Variants in RCOR3 observed in about 807,000 individuals in gnomAD.
RCOR3 encodes REST corepressor 3.
Under a neutral mutation model 64.1 loss-of-function variants are expected in RCOR3, and 13 were observed. That is an observed-to-expected ratio of 0.20 (90% CI 0.13 to 0.32). RCOR3 has a LOEUF of 0.32. Among genes scored for constraint, RCOR3 ranks in the 10% least tolerant of loss-of-function variants. The pLI, the probability that RCOR3 is intolerant of heterozygous loss-of-function variation, is 1.00. For missense variants in RCOR3, 489 were observed against 701.2 expected (o/e 0.70, Z 3.42); for synonymous variants, 215 against 239.0 (o/e 0.90, Z 0.93).
Position 211,295,762 on chromosome 1 carries a change from T to C in RCOR3, c.1017+9T>C, listed in dbSNP as rs376481343. On this transcript the variant is annotated intron_variant, in intron 9 of 11. Coordinates refer to ENST00000419091, the MANE Select transcript of RCOR3 (RefSeq NM_001136223.3). ...AATTCAAACCTCCTGAGGTATGTTA[T>C]TGAAGGATACATGTGATTAAGTATA... The C allele has an allele frequency of 6.8e-6, 11 of 1,610,018 alleles. No individual in the cohort carries two copies. The highest frequency in any genetic ancestry group is 9.3e-6 in the Non-Finnish European group (11 of 1,176,642).
chr1:211,286,836 A>G (rs1698614563), intron 7 of RCOR3, among the ~76,000 whole-genome samples: 1 of 152,190 alleles, frequency 6.6e-6, no homozygotes, highest in South Asian at 2.1e-4. Context: ...CGTTTTGTTT[A>G]GATTTACCCA....
chr1:211,293,285 C>T (rs1003638183), intron 8 of RCOR3, among the ~76,000 whole-genome samples: 1 of 152,064 alleles, frequency 6.6e-6, no homozygotes, highest in Non-Finnish European at 1.5e-5. Context: ...CTTCACATTA[C>T]TACCAGAAGT....
chr1:211,296,053 G>A (rs996459459), intron 9 of RCOR3, among the ~76,000 whole-genome samples: 6 of 152,306 alleles, frequency 3.9e-5, no homozygotes, highest in Non-Finnish European at 8.8e-5. Context: ...GCAAGCTAGT[G>A]TATTTCTGGG....
Position 211,313,029 on chromosome 1 carries a change from A to G in RCOR3, c.1317+68A>G. The G allele has an allele frequency of 6.2e-7, 1 of 1,606,900 alleles. No individual in the cohort carries two copies. Among genetic ancestry groups the G allele is most frequent in the Non-Finnish European group, 8.5e-7 (1 of 1,175,502 alleles). Reference sequence around the variant, plus strand: ...TCACCATTTTGTGTGGTATTCTGTAAGGTTAATTTGTCAAGAGGACTAGCT... The same window carrying G: ...TCACCATTTTGTGTGGTATTCTGTAGGGTTAATTTGTCAAGAGGACTAGCT... On this transcript the variant is annotated intron_variant, in intron 11 of 11. Coordinates refer to ENST00000419091, the MANE Select transcript of RCOR3 (RefSeq NM_001136223.3). This position sits in a 1 kb window ranked among gnomAD's most constrained non-coding sequence, Gnocchi z 4.7.
At chr1:211,260,504 G>A (rs138832859) in intron 2 of RCOR3, among the ~76,000 whole-genome samples, 3 of 152,216 alleles carry the variant, frequency 2.0e-5, no homozygotes, top group Non-Finnish European at 1.5e-5. Context: ...GAGCAGGCGT[G>A]CGGACTGTAT....
At chr1:211,275,736 A>G (rs1468253106) in intron 4 of RCOR3, among the ~76,000 whole-genome samples, 1 of 152,174 alleles carries the variant, frequency 6.6e-6, no homozygotes, top group Admixed American at 6.5e-5. Context: ...ATGTGGTTTA[A>G]AAAATTGTTA....
rs755377805 is a variant in RCOR3 at position 211,313,388 on chromosome 1, C to A, written c.1318-36C>A. Reference sequence around the variant, plus strand: ...ATTGTATTAAGTTCATTAGGACTTACATCTCATACGTGTATTTTTGTTTCC... The same window carrying A: ...ATTGTATTAAGTTCATTAGGACTTAAATCTCATACGTGTATTTTTGTTTCC... On this transcript the variant is annotated intron_variant, in intron 11 of 11. Transcript: ENST00000419091. The surrounding 1 kb of genome is among the most constrained non-coding windows in gnomAD (Gnocchi z 4.7). The A allele has an allele frequency of 6.3e-7, 1 of 1,581,552 alleles. No homozygotes were observed. Among genetic ancestry groups the A allele is most frequent in the Non-Finnish European group, 8.6e-7 (1 of 1,161,536 alleles).
At chr1:211,292,649 CTG>C (rs1199183805) in intron 8 of RCOR3, among the ~76,000 whole-genome samples, 3 of 152,192 alleles carry the variant, frequency 2.0e-5, no homozygotes, top group Non-Finnish European at 4.4e-5. Context: ...AGTGTTCAAA[CTG>C]AGTTCTTCCA....
Position 211,259,450 on chromosome 1 carries a change from C to A in RCOR3, c.-111C>A. Reference sequence around the variant, plus strand: ...ACAGCCTCCTCCTCCTCCGCCGCCGCCGCCGTCTCCTCCTCCTCCTCCTTT... The same window carrying A: ...ACAGCCTCCTCCTCCTCCGCCGCCGACGCCGTCTCCTCCTCCTCCTCCTTT... On this transcript the variant is annotated 5_prime_UTR_variant, in exon 1 of 12. Coordinates refer to ENST00000419091, the MANE Select transcript of RCOR3 (RefSeq NM_001136223.3). 2 of 1,126,824 alleles carry A rather than the reference C, an allele frequency of 1.8e-6. No homozygotes were observed. Among genetic ancestry groups the A allele is most frequent in the Non-Finnish European group, 2.5e-6 (2 of 809,640 alleles). 69.8% of individuals were successfully genotyped at this position (1,126,824 alleles called of 1,614,324 possible).
At position 211,276,463 on chromosome 1, in the gene RCOR3, C is replaced by T. The variant is rs527741400; in HGVS notation, c.516+45C>T. 149 of 1,488,236 alleles carry T rather than the reference C, an allele frequency of 1.0e-4. 1 individual carries two copies. In the South Asian group the frequency reaches 1.3e-3, roughly 13 times the overall value. The allele number at this position is 1,488,236 out of a possible 1,614,324, so 92.2% of individuals were successfully genotyped here. ...ACTGTGGTTCATATGTGAATGATAT[C>T]TTAAGCTACTATTAAACACTTCCTA... On this transcript the variant is annotated intron_variant, in intron 5 of 11. Coordinates refer to ENST00000419091, the MANE Select transcript of RCOR3 (RefSeq NM_001136223.3).
intron 2 of RCOR3, among the ~76,000 whole-genome samples, chr1:211,264,979 A>G (rs1394357318): frequency 6.6e-6 from 1 of 152,216 alleles, no homozygotes; most frequent in Non-Finnish European, 1.5e-5. Flanking sequence ...ATAACCTTGG[A>G]TGAACTACCT....
intron 8 of RCOR3, among the ~76,000 whole-genome samples, chr1:211,292,541 G>A (rs1277169612): frequency 6.6e-6 from 1 of 152,060 alleles, no homozygotes; most frequent in African/African-American, 2.4e-5. Context: ...TCCTAACTTG[G>A]TTATTCATTT....
intron 9 of RCOR3, among the ~76,000 whole-genome samples, chr1:211,300,451 T>G (rs539583087): frequency 2.6e-5 from 4 of 152,318 alleles, no homozygotes; most frequent in Non-Finnish European, 5.9e-5. Flanking sequence ...TTTTAACTTC[T>G]GATTCCCCTT....
At chr1:211,268,369 C>CTTTTTTTTTT (rs756643084) in intron 2 of RCOR3, among the ~76,000 whole-genome samples, 33 of 79,356 alleles carry the variant, frequency 4.2e-4, no homozygotes, top group Non-Finnish European at 4.7e-4. Flanking sequence ...TCTTTTCTTT[C>CTTTTTTTTTT]TTTTTTTTTT....
chr1:211,274,508 A>T (rs893129386), intron 4 of RCOR3, among the ~76,000 whole-genome samples: 1 of 152,096 alleles, frequency 6.6e-6, no homozygotes, highest in Non-Finnish European at 1.5e-5. Flanking sequence ...TTGAGTTCTG[A>T]AAGTTTCTGG....
intron 7 of RCOR3, 48 bp downstream of exon 7, chr1:211,279,364 G>A: frequency 1.5e-6 from 2 of 1,372,776 alleles, no homozygotes; most frequent in Non-Finnish European, 2.1e-6. Flanking sequence ...CAAATCTGCT[G>A]AAAAAGAATG....
intron 8 of RCOR3, among the ~76,000 whole-genome samples, chr1:211,294,690 C>T (rs1699669690): frequency 6.7e-6 from 1 of 150,008 alleles, no homozygotes; most frequent in Admixed American, 6.7e-5. Context: ...CCTGGGTTCA[C>T]GCCATTCTGC....
chr1:211,308,673 G>GTTTTTTTTTTTT (rs545513442), intron 10 of RCOR3, among the ~76,000 whole-genome samples: 7 of 40,486 alleles, frequency 1.7e-4, no homozygotes, highest in Admixed American at 3.1e-4. Context: ...TTTTTTTTTT[G>GTTTTTTTTTTTT]TTTTTTTTTT....
intron 10 of RCOR3, among the ~76,000 whole-genome samples, chr1:211,310,632 G>C (rs1701379914): frequency 6.6e-6 from 1 of 152,112 alleles, no homozygotes; most frequent in Admixed American, 6.6e-5. Context: ...TTGATGACAA[G>C]GTAAAGTCCA....
Sources: allele counts gnomAD v4.1 joint callset (sites outside exome capture counted in the v4.1 genomes callset), GRCh38; gene constraint gnomAD v4.1.1; non-coding constraint Gnocchi (gnomAD v3.1); transcripts MANE v1.5; gene names NCBI Gene and HGNC (gene_info 2026-07-23, HGNC 2026-07-21).